The following DNER variants were observed in gnomAD, a reference collection of about 807,000 sequenced individuals.
The protein encoded by DNER is delta and Notch-like epidermal growth factor-related receptor.
A neutral mutation model predicts 78.2 loss-of-function variants in DNER; 33 were observed. The ratio of observed to expected loss-of-function variants is 0.42; its 90% CI spans 0.32 to 0.56. The LOEUF (loss-of-function observed/expected upper bound fraction) is 0.56. Ranked by LOEUF, DNER falls within the 20% of genes least tolerant of loss-of-function variation. The pLI is 0.11. For synonymous variants in DNER, 417 were observed against 384.8 expected (o/e 1.08, Z -0.98); for missense variants, 918 against 975.3 (o/e 0.94, Z 0.78).
intron 1 of DNER, among the ~76,000 whole-genome samples, chr2:229,691,059 G>A (rs1361363004): frequency 2.6e-5 from 4 of 152,134 alleles, no homozygotes; most frequent in Admixed American, 2.6e-4. Context: ...TGGTCATTCA[G>A]ACCAACCATC....
At chr2:229,395,567 G>A (rs1196089291) in intron 10 of DNER, among the ~76,000 whole-genome samples, 2 of 152,178 alleles carry the variant, frequency 1.3e-5, no homozygotes, top group African/African-American at 4.8e-5. Flanking sequence ...TGCTGTACCT[G>A]CTCAAGTGTT....
chr2:229,595,025 C>T (rs10180683), intron 1 of DNER, among the ~76,000 whole-genome samples: 115,122 of 148,926 alleles, frequency 0.77, 47,625 homozygotes, highest in Non-Finnish European at 0.92. Flanking sequence ...ATCTAGTAAC[C>T]TAGTACAAGC....
chr2:229,437,198 G>A (rs1419911922), intron 8 of DNER, among the ~76,000 whole-genome samples: 2 of 152,246 alleles, frequency 1.3e-5, no homozygotes, highest in Non-Finnish European at 2.9e-5. Context: ...AAGCACGTGA[G>A]TGAGATGGAA....
At chr2:229,617,585 T>A (rs187418759) in intron 1 of DNER, among the ~76,000 whole-genome samples, 75 of 152,354 alleles carry the variant, frequency 4.9e-4, no homozygotes, top group African/African-American at 1.8e-3. Context: ...ATATTGTAAG[T>A]CATTTATTTC....
At chr2:229,379,170 A>G (rs930859846) in intron 11 of DNER, among the ~76,000 whole-genome samples, 24 of 152,218 alleles carry the variant, frequency 1.6e-4, no homozygotes, top group African/African-American at 5.5e-4. Flanking sequence ...TGTAGGCAGC[A>G]TCTAAAAAGA....
chr2:229,712,234 A>C (rs1159510473), intron 1 of DNER, among the ~76,000 whole-genome samples: 2 of 152,232 alleles, frequency 1.3e-5, no homozygotes, highest in East Asian at 3.8e-4. Context: ...CTGCAATGTT[A>C]TGTATTAGTT....
At chr2:229,449,088 A>T (rs1694398977) in intron 7 of DNER, among the ~76,000 whole-genome samples, 1 of 152,212 alleles carries the variant, frequency 6.6e-6, no homozygotes, top group Non-Finnish European at 1.5e-5. Flanking sequence ...TCAGCATTTT[A>T]TAAAATTCCT....
intron 7 of DNER, among the ~76,000 whole-genome samples, chr2:229,471,261 T>C (rs35277260): frequency 0.24 from 36,593 of 152,138 alleles, 5,205 homozygotes; most frequent in East Asian, 0.34. Context: ...GTGTTGCTAT[T>C]GCCTGCAAAT....
chr2:229,583,345 A>G (rs1344797932), intron 4 of DNER, among the ~76,000 whole-genome samples: 1 of 152,268 alleles, frequency 6.6e-6, no homozygotes, highest in African/African-American at 2.4e-5. Context: ...AAACACTTAC[A>G]TTGACCAGCA....
At chr2:229,559,204 C>A (rs975900148) in intron 4 of DNER, among the ~76,000 whole-genome samples, 1 of 151,898 alleles carries the variant, frequency 6.6e-6, no homozygotes, top group Non-Finnish European at 1.5e-5. Flanking sequence ...GGTGGTTGGA[C>A]GTAGAATATG....
chr2:229,653,193 G>A (rs1027501549), intron 1 of DNER, among the ~76,000 whole-genome samples: 39 of 152,256 alleles, frequency 2.6e-4, no homozygotes, highest in African/African-American at 8.7e-4. Flanking sequence ...TTACAGATTC[G>A]GGGAGAAAAT....
At chr2:229,492,567 G>C (rs1348246386) in intron 6 of DNER, among the ~76,000 whole-genome samples, 2 of 152,178 alleles carry the variant, frequency 1.3e-5, no homozygotes, top group East Asian at 3.8e-4. Flanking sequence ...TTGTGACCTT[G>C]ATCAAGTCCC....
rs543446576 is a variant in DNER at position 229,515,322 on chromosome 2, G to A, written c.994-2386C>T. ...CAGAGTACACATCTGATATGTGCAT[G>A]AGTCCTGTTTGGAGCTCTCTGTGCA... On this transcript the variant is annotated intron_variant, in intron 5 of 12. Transcript: ENST00000341772. Among the ~76,000 whole-genome samples, 67 of 152,316 alleles carry A rather than the reference G, an allele frequency of 4.4e-4. 1 individual carries two copies. In the South Asian group the frequency reaches 0.013, roughly 31 times the overall value.
intron 1 of DNER, among the ~76,000 whole-genome samples, chr2:229,638,714 C>T (rs1185464945): frequency 2.0e-5 from 3 of 152,206 alleles, no homozygotes; most frequent in East Asian, 3.9e-4. Context: ...TCTACTGGGA[C>T]CTGCAAAACC....
intron 8 of DNER, among the ~76,000 whole-genome samples, chr2:229,445,610 G>T (rs748763838): frequency 9.1e-4 from 138 of 152,314 alleles, no homozygotes; most frequent in Non-Finnish European, 1.7e-3. Context: ...AACAGCTGAG[G>T]ACCTTAAGGA....
intron 1 of DNER, among the ~76,000 whole-genome samples, chr2:229,683,270 G>A (rs571778514): frequency 2.0e-4 from 30 of 152,170 alleles, no homozygotes; most frequent in Middle Eastern, 6.8e-3. Context: ...AGCAGATTTC[G>A]TAATTTGTCG....
chr2:229,587,964 A>G (rs907960403), intron 3 of DNER, among the ~76,000 whole-genome samples: 1 of 151,804 alleles, frequency 6.6e-6, no homozygotes, highest in African/African-American at 2.4e-5. Flanking sequence ...AAATAAATAA[A>G]TAAATAAAAA....
At chr2:229,670,742 C>A (rs968817425) in intron 1 of DNER, among the ~76,000 whole-genome samples, 1 of 152,220 alleles carries the variant, frequency 6.6e-6, no homozygotes, top group African/African-American at 2.4e-5. Flanking sequence ...TGTTGTATCC[C>A]ACTCCGTCCA....
intron 4 of DNER, among the ~76,000 whole-genome samples, chr2:229,562,987 A>C (rs75167400): frequency 0.064 from 7,989 of 124,166 alleles, 671 homozygotes; most frequent in African/African-American, 0.21. Flanking sequence ...CACCCCATCA[A>C]CATCATCATC....
Sources: gnomAD v4.1 joint callset for allele counts (sites outside exome capture counted in the v4.1 genomes callset) on GRCh38, gnomAD v4.1.1 for gene constraint, MANE v1.5 for transcripts, NCBI Gene and HGNC (gene_info 2026-07-23, HGNC 2026-07-21) for gene names.